The following ADGRV1 variants were observed in gnomAD, a reference collection of about 807,000 sequenced individuals.
The protein encoded by ADGRV1 is adhesion G protein-coupled receptor V1.
Under a neutral mutation model 596.2 loss-of-function variants are expected in ADGRV1, and 359 were observed. The observed-to-expected ratio is 0.60, with a 90% CI of 0.55 to 0.66. The LOEUF (loss-of-function observed/expected upper bound fraction) is 0.66. Among genes scored for constraint, ADGRV1 ranks in the 30% least tolerant of loss-of-function variants. The pLI is 0.00. For synonymous variants in ADGRV1, 2,681 were observed against 2,679.2 expected (o/e 1.00, Z -0.02); for missense variants, 7,274 against 7,575.6 (o/e 0.96, Z 1.48).
chr5:90,737,347 T>C (rs74540151), intron 50 of ADGRV1, among the ~76,000 whole-genome samples: 3,977 of 152,114 alleles, frequency 0.026, 154 homozygotes, highest in African/African-American at 0.091. Context: ...TTTTGTGGCC[T>C]AACATATAGT....
chr5:90,699,296 C>T (rs1580783415), intron 34 of ADGRV1, among the ~76,000 whole-genome samples: 1 of 152,136 alleles, frequency 6.6e-6, no homozygotes, highest in Admixed American at 6.6e-5. Flanking sequence ...AAACAAAACA[C>T]AAATCCCTGT....
At chr5:90,833,096 G>A (rs1043289274) in intron 77 of ADGRV1, among the ~76,000 whole-genome samples, 1 of 152,004 alleles carries the variant, frequency 6.6e-6, no homozygotes, top group Non-Finnish European at 1.5e-5. Context: ...GTCTTTTGTA[G>A]TTCCATTTAA....
intron 61 of ADGRV1, among the ~76,000 whole-genome samples, chr5:90,777,069 T>C (rs1581089752): frequency 6.6e-6 from 1 of 152,144 alleles, no homozygotes; most frequent in Non-Finnish European, 1.5e-5. Flanking sequence ...AGAAAAGAGG[T>C]TTAATTGGTT....
chr5:90,685,598 A>G (rs1284409600), intron 28 of ADGRV1, among the ~76,000 whole-genome samples, 182 bp from the exon 29 acceptor site: 2 of 20,428 alleles, frequency 9.8e-5, no homozygotes, highest in Non-Finnish European at 1.7e-4. Context: ...GTCCATCTCT[A>G]TAAATAAATA....
At chr5:90,784,992 A>G (rs1034780226) in intron 67 of ADGRV1, among the ~76,000 whole-genome samples, 4 of 152,350 alleles carry the variant, frequency 2.6e-5, no homozygotes, top group Non-Finnish European at 5.9e-5. Flanking sequence ...ACAAAGCTGG[A>G]GGCATCATGC....
intron 85 of ADGRV1, among the ~76,000 whole-genome samples, chr5:91,042,514 A>G (rs1421843643): frequency 6.6e-6 from 1 of 152,084 alleles, no homozygotes; most frequent in African/African-American, 2.4e-5. Context: ...ATTAAAGGTT[A>G]TTTCAAATTG....
intron 89 of ADGRV1, among the ~76,000 whole-genome samples, chr5:91,157,125 C>A (rs1430824532): frequency 6.6e-6 from 1 of 152,186 alleles, no homozygotes; most frequent in Non-Finnish European, 1.5e-5. Flanking sequence ...GCCACTAGGA[C>A]ATTTGAGTTT....
At chr5:90,611,876 A>G (rs1454866971) in intron 1 of ADGRV1, among the ~76,000 whole-genome samples, 1 of 152,032 alleles carries the variant, frequency 6.6e-6, no homozygotes, top group African/African-American at 2.4e-5. Context: ...TAAAAAATAA[A>G]CTATTCAGCA....
intron 84 of ADGRV1, among the ~76,000 whole-genome samples, chr5:90,982,528 A>G (rs1780161160): frequency 1.3e-5 from 2 of 152,198 alleles, no homozygotes; most frequent in Admixed American, 6.5e-5. Context: ...GCTAATGTAA[A>G]CAAACATTGA....
Position 90,815,686 on chromosome 5 carries a change from A to G in ADGRV1, c.16146A>G (p.Glu5382=), listed in dbSNP as rs1436025411. The G allele has an allele frequency of 6.3e-7, 1 of 1,577,722 alleles. No homozygotes were observed. The highest frequency in any genetic ancestry group is 1.8e-5 in the Admixed American group (1 of 54,548). Residue 5382 remains glutamate (E), a synonymous_variant, in exon 75 of 90, where the codon GAA becomes GAG. Transcript: ENST00000405460. ...CCCAGAGTGGACTAGAACTCAGGGA[A>G]GGAGCTGTTATGAGAAGATTGCACC... ...EESQSGLELR[E]GAVMRRLHLI...
chr5:90,722,357 G>T (rs1751160642), intron 45 of ADGRV1, among the ~76,000 whole-genome samples: 1 of 151,618 alleles, frequency 6.6e-6, no homozygotes, highest in Admixed American at 6.6e-5. Flanking sequence ...AAATAAATGT[G>T]GTTTAACACA....
chr5:90,643,086 A>T, intron 13 of ADGRV1, 45 bp downstream of exon 13: 1 of 1,456,766 alleles, frequency 6.9e-7, no homozygotes, highest in South Asian at 1.2e-5. Flanking sequence ...TAAGATTGAT[A>T]GTATTTGGTA....
chr5:90,961,510 G>C (rs528017997), intron 83 of ADGRV1, among the ~76,000 whole-genome samples: 2 of 141,832 alleles, frequency 1.4e-5, no homozygotes, highest in African/African-American at 2.8e-5. Context: ...AAAAAAAAGG[G>C]GGGGTGGCGG....
chr5:90,715,876 T>C (rs768233423), intron 42 of ADGRV1, among the ~76,000 whole-genome samples: 1 of 152,128 alleles, frequency 6.6e-6, no homozygotes, highest in Non-Finnish European at 1.5e-5. Context: ...AGAGTTAATA[T>C]AGGTTAAGCA....
intron 83 of ADGRV1, among the ~76,000 whole-genome samples, chr5:90,923,393 G>T (rs1774074269): frequency 6.6e-6 from 1 of 151,688 alleles, no homozygotes; most frequent in African/African-American, 2.4e-5. Flanking sequence ...CAATTTAAAA[G>T]AAATTGTTTT....
At chr5:90,840,157 C>T (rs888410612) in intron 77 of ADGRV1, among the ~76,000 whole-genome samples, 1 of 152,076 alleles carries the variant, frequency 6.6e-6, no homozygotes, top group African/African-American at 2.4e-5. Context: ...GCTTTCCTCC[C>T]CTCTGCCTTC....
chr5:90,609,522 T>TA (rs1762491684), intron 1 of ADGRV1, among the ~76,000 whole-genome samples: 1 of 151,900 alleles, frequency 6.6e-6, no homozygotes, highest in Non-Finnish European at 1.5e-5. Flanking sequence ...AAGATCATTT[T>TA]TTTTTTGGTG....
chr5:90,561,628 A>G (rs960117478), intron 1 of ADGRV1, among the ~76,000 whole-genome samples: 5 of 152,170 alleles, frequency 3.3e-5, no homozygotes, highest in Admixed American at 6.5e-5. Flanking sequence ...TGGTTAACCT[A>G]TTGAATAAGT....
chr5:90,578,789 G>T (rs571576854), intron 1 of ADGRV1, among the ~76,000 whole-genome samples: 65 of 152,246 alleles, frequency 4.3e-4, no homozygotes, highest in Admixed American at 1.4e-3. Flanking sequence ...TAATTTCAGA[G>T]CCTGTTATTG....
Sources: gnomAD v4.1 joint callset for allele counts (sites outside exome capture counted in the v4.1 genomes callset) on GRCh38, gnomAD v4.1.1 for gene constraint, MANE v1.5 for transcripts, NCBI Gene and HGNC (gene_info 2026-07-23, HGNC 2026-07-21) for gene names.